Variants in GSK3B observed in about 807,000 individuals in gnomAD.
The protein encoded by GSK3B is glycogen synthase kinase 3 beta, also known as glycogen synthase kinase-3 beta.
A neutral mutation model predicts 56.4 loss-of-function variants in GSK3B; 15 were observed. The observed-to-expected ratio is 0.27, with a 90% CI of 0.18 to 0.41. GSK3B has a LOEUF of 0.41. Ranked by LOEUF, GSK3B falls within the 10% of genes least tolerant of loss-of-function variation. The pLI is 1.00. For missense variants in GSK3B, 300 were observed against 513.4 expected (o/e 0.58, Z 4.02); for synonymous variants, 181 against 188.9 (o/e 0.96, Z 0.34).
intron 7 of GSK3B, among the ~76,000 whole-genome samples, chr3:119,894,922 T>C (rs982538672): frequency 1.3e-4 from 20 of 152,160 alleles, no homozygotes; most frequent in African/African-American, 4.3e-4. Flanking sequence ...TTTTAATTAA[T>C]TGACGAATTA....
At position 119,876,423 on chromosome 3, in the gene GSK3B, G is replaced by T; in HGVS notation, c.899C>A (p.Pro300His). 1.3e-6 allele frequency: 2 copies of T among 1,583,826 alleles called. No homozygotes were observed. Among genetic ancestry groups the T allele is most frequent in the Non-Finnish European group, 1.7e-6 (2 of 1,152,712 alleles). Residue 300 changes from proline to histidine, a missense_variant, in exon 8 of 11, where the codon CCT becomes CAT. This residue lies in a region of GSK3B where 38 missense variants were observed against 58.3 expected (regional missense o/e 0.65). Transcript: ENST00000264235. ...AAAAATCTAACTCACCTTAGTCCAA[G>T]GATGTGCCTTAATTTGAGGGAATTT... Reference protein sequence around the residue: ...EFKFPQIKAHPWTKVFRPRTP... With the variant: ...EFKFPQIKAHHWTKVFRPRTP...
chr3:119,979,673 T>A (rs2057442042), intron 2 of GSK3B, among the ~76,000 whole-genome samples: 1 of 152,172 alleles, frequency 6.6e-6, no homozygotes, highest in Non-Finnish European at 1.5e-5. Context: ...CTGGAAAAGG[T>A]TTTCCCCCAG....
At chr3:119,852,905 T>C (rs2055959334) in intron 9 of GSK3B, among the ~76,000 whole-genome samples, 1 of 152,238 alleles carries the variant, frequency 6.6e-6, no homozygotes, top group Admixed American at 6.5e-5. Context: ...CTTCTTTTCC[T>C]GTGCAGAAGC....
intron 4 of GSK3B, among the ~76,000 whole-genome samples, chr3:119,922,901 A>G (rs1409065074): frequency 6.6e-6 from 1 of 152,162 alleles, no homozygotes; most frequent in African/African-American, 2.4e-5. Flanking sequence ...TTAGATACCA[A>G]AAAATAAACA....
At chr3:120,032,730 C>T (rs2057988156) in intron 1 of GSK3B, among the ~76,000 whole-genome samples, 1 of 152,202 alleles carries the variant, frequency 6.6e-6, no homozygotes, top group Admixed American at 6.5e-5. Context: ...CTGATCTACA[C>T]CATCCATTTG....
chr3:119,894,118 G>T (rs957740616), intron 7 of GSK3B, among the ~76,000 whole-genome samples: 2 of 152,078 alleles, frequency 1.3e-5, no homozygotes, highest in Non-Finnish European at 2.9e-5. Context: ...AATATAAATA[G>T]AATGGAATTA....
At chr3:119,852,586 G>T (rs2055951869) in intron 9 of GSK3B, among the ~76,000 whole-genome samples, 1 of 152,030 alleles carries the variant, frequency 6.6e-6, no homozygotes, top group South Asian at 2.1e-4. Flanking sequence ...TACCTCATGT[G>T]ATCTGCTCAC....
At chr3:119,965,051 T>A (rs910970700) in intron 2 of GSK3B, among the ~76,000 whole-genome samples, 1 of 148,628 alleles carries the variant, frequency 6.7e-6, no homozygotes, top group Non-Finnish European at 1.5e-5. Context: ...TTTTTTTTTT[T>A]TTTTTTAATT....
intron 7 of GSK3B, among the ~76,000 whole-genome samples, chr3:119,888,852 T>C (rs182621590): frequency 3.7e-4 from 57 of 152,182 alleles, no homozygotes; most frequent in African/African-American, 1.1e-3. Context: ...GTGTCTGTCT[T>C]ATGCCATAGA....
At chr3:119,982,593 T>C (rs1429543945) in intron 2 of GSK3B, among the ~76,000 whole-genome samples, 1 of 151,956 alleles carries the variant, frequency 6.6e-6, no homozygotes, top group Non-Finnish European at 1.5e-5. Context: ...GCTGATTCGA[T>C]CAAGTGGAAG....
intron 2 of GSK3B, among the ~76,000 whole-genome samples, chr3:119,948,392 G>A (rs970163457): frequency 6.6e-6 from 1 of 152,200 alleles, no homozygotes; most frequent in African/African-American, 2.4e-5. Flanking sequence ...GAGAGCAGAA[G>A]TGAATGTTCC....
At chr3:119,904,889 G>A (rs762676261) in intron 7 of GSK3B, among the ~76,000 whole-genome samples, 9 of 150,992 alleles carry the variant, frequency 6.0e-5, no homozygotes, top group Non-Finnish European at 8.8e-5. Context: ...AGAGACAGTA[G>A]GTGTTGTTGC....
At chr3:120,024,360 AC>A (rs1576278933) in intron 1 of GSK3B, among the ~76,000 whole-genome samples, 1 of 152,196 alleles carries the variant, frequency 6.6e-6, no homozygotes, top group South Asian at 2.1e-4. Flanking sequence ...CTCAAAAAAA[AC>A]AATTCCAGAT....
chr3:120,006,681 A>C (rs1047484511), intron 1 of GSK3B, among the ~76,000 whole-genome samples: 4 of 152,242 alleles, frequency 2.6e-5, no homozygotes, highest in Non-Finnish European at 4.4e-5. Context: ...AAATAACGAA[A>C]TTAAGACAGA....
intron 1 of GSK3B, among the ~76,000 whole-genome samples, chr3:120,039,421 T>G (rs556807589): frequency 6.6e-6 from 1 of 152,246 alleles, no homozygotes; most frequent in Non-Finnish European, 1.5e-5. Context: ...AAGGTTCAGG[T>G]TGTTAACTTC....
chr3:120,088,414 C>T (rs925707455), intron 1 of GSK3B, among the ~76,000 whole-genome samples: 1 of 152,164 alleles, frequency 6.6e-6, no homozygotes, highest in African/African-American at 2.4e-5. Flanking sequence ...TTTTTCCTTG[C>T]TGTTCTATTC....
intron 9 of GSK3B, among the ~76,000 whole-genome samples, chr3:119,861,510 CAAA>C (rs550145796): frequency 1.4e-5 from 1 of 74,058 alleles, no homozygotes; most frequent in African/African-American, 4.8e-5. Flanking sequence ...GACTCCGTCT[CAAA>C]AAAAAAAAAA....
chr3:119,933,303 A>G (rs928475267), intron 3 of GSK3B, among the ~76,000 whole-genome samples: 1 of 152,206 alleles, frequency 6.6e-6, no homozygotes, highest in African/African-American at 2.4e-5. Flanking sequence ...ATGAACTACA[A>G]CAATTCTTGT....
At chr3:120,076,682 C>T (rs1416081218) in intron 1 of GSK3B, among the ~76,000 whole-genome samples, 2 of 151,240 alleles carry the variant, frequency 1.3e-5, no homozygotes, top group Non-Finnish European at 2.9e-5. Flanking sequence ...GGCATGGTGG[C>T]GCACGCCTGT....
Sources: gnomAD v4.1 joint callset for allele counts (sites outside exome capture counted in the v4.1 genomes callset) on GRCh38, gnomAD v4.1.1 for gene constraint, gnomAD v4.1.1 regional missense constraint, MANE v1.5 for transcripts, NCBI Gene and HGNC (gene_info 2026-07-23, HGNC 2026-07-21) for gene names.